Variants in CERKL observed in about 807,000 individuals in gnomAD.
The protein encoded by CERKL is ceramide kinase-like protein.
In CERKL, 61 loss-of-function variants were observed where a neutral mutation model predicts 63.4. The observed-to-expected ratio is 0.96, with a 90% CI of 0.78 to 1.19. The LOEUF is 1.19. Among genes scored for constraint, CERKL ranks in the 50% most tolerant of loss-of-function variants. CERKL has a pLI of 0.00. For missense variants in CERKL, 675 were observed against 655.5 expected, an observed-to-expected ratio of 1.03 and a Z score of -0.33; for synonymous variants, 250 against 230.5, an observed-to-expected ratio of 1.08 and a Z score of -0.77.
intron 2 of CERKL, among the ~76,000 whole-genome samples, chr2:181,602,333 G>A (rs936856354): frequency 9.2e-5 from 14 of 152,122 alleles, no homozygotes; most frequent in African/African-American, 3.1e-4. Context: ...CAAGTTTTAT[G>A]TATTCCTGGT....
intron 1 of CERKL, among the ~76,000 whole-genome samples, chr2:181,626,157 T>G (rs1020262029): frequency 6.6e-6 from 1 of 152,172 alleles, no homozygotes. Context: ...TTAAAGAGTA[T>G]AGTAATACAC....
intron 3 of CERKL, among the ~76,000 whole-genome samples, chr2:181,568,094 T>G (rs66728928): frequency 0.39 from 59,573 of 151,954 alleles, 12,480 homozygotes; most frequent in African/African-American, 0.53. Context: ...CTCCCCTCTT[T>G]GGTGCAAATG....
intron 1 of CERKL, among the ~76,000 whole-genome samples, chr2:181,635,508 T>G (rs1574052670): frequency 6.6e-6 from 1 of 152,264 alleles, no homozygotes; most frequent in East Asian, 1.9e-4. Flanking sequence ...TAATAAGTTT[T>G]TATCTGTATG....
intron 5 of CERKL, among the ~76,000 whole-genome samples, chr2:181,557,952 A>G (rs561660405): frequency 1.6e-4 from 25 of 152,274 alleles, no homozygotes; most frequent in African/African-American, 6.0e-4. Context: ...TCTTCTTTAC[A>G]TGCATTCACT....
At chr2:181,655,119 T>C (rs1688102792) in intron 1 of CERKL, among the ~76,000 whole-genome samples, 2 of 152,228 alleles carry the variant, frequency 1.3e-5, no homozygotes, top group African/African-American at 2.4e-5. Flanking sequence ...CAAATGGTTT[T>C]AGGGCATAAT....
intron 3 of CERKL, among the ~76,000 whole-genome samples, chr2:181,567,993 T>C (rs529462618): frequency 3.9e-5 from 6 of 152,272 alleles, no homozygotes; most frequent in Admixed American, 1.3e-4. Flanking sequence ...TCCTATGAGA[T>C]TGCCAACCTG....
At chr2:181,629,216 A>C (rs1442006903) in intron 1 of CERKL, among the ~76,000 whole-genome samples, 1 of 152,196 alleles carries the variant, frequency 6.6e-6, no homozygotes, top group East Asian at 1.9e-4. Flanking sequence ...CAGAAGCAGA[A>C]TGCCTAACCA....
chr2:181,579,415 TAA>T (rs1382515922), intron 2 of CERKL, among the ~76,000 whole-genome samples: 1 of 151,946 alleles, frequency 6.6e-6, no homozygotes, highest in Non-Finnish European at 1.5e-5. Context: ...TGTAAATGTT[TAA>T]GAGTTATTTT....
At chr2:181,582,538 T>TATATATATATATATATA (rs1559089065) in intron 2 of CERKL, among the ~76,000 whole-genome samples, 1 of 141,722 alleles carries the variant, frequency 7.1e-6, no homozygotes, top group African/African-American at 2.7e-5. Flanking sequence ...TATATATATG[T>TATATATATATATATATA]TTTTTTTTTT....
intron 2 of CERKL, among the ~76,000 whole-genome samples, chr2:181,585,413 T>G (rs184342159): frequency 6.6e-6 from 1 of 152,274 alleles, no homozygotes; most frequent in East Asian, 1.9e-4. Context: ...AAACAATCAT[T>G]TAAGCAAAAA....
intron 2 of CERKL, 72 bp from the exon 3 acceptor site, chr2:181,573,956 ACAC>A: frequency 1.4e-6 from 2 of 1,415,078 alleles, no homozygotes; most frequent in Non-Finnish European, 2.0e-6. Flanking sequence ...TTAAAATGAC[ACAC>A]AAGTCTGTTA....
intron 1 of CERKL, among the ~76,000 whole-genome samples, chr2:181,631,824 CTAA>C (rs1686973057): frequency 1.3e-5 from 2 of 152,260 alleles, no homozygotes; most frequent in South Asian, 2.1e-4. Context: ...CTGAGTTTCT[CTAA>C]AGGTAACCAA....
At chr2:181,586,314 T>C (rs1325777387) in intron 2 of CERKL, among the ~76,000 whole-genome samples, 5 of 152,160 alleles carry the variant, frequency 3.3e-5, no homozygotes, top group African/African-American at 9.7e-5. Context: ...AATAACTCTC[T>C]GGAAAACATT....
chr2:181,580,847 T>A (rs1406806839), intron 2 of CERKL, among the ~76,000 whole-genome samples: 3 of 152,168 alleles, frequency 2.0e-5, no homozygotes, highest in Non-Finnish European at 4.4e-5. Context: ...TTCCTGTTCC[T>A]TAAGGGTATA....
intron 1 of CERKL, among the ~76,000 whole-genome samples, chr2:181,619,502 T>C (rs564921923): frequency 6.6e-6 from 1 of 152,290 alleles, no homozygotes; most frequent in African/African-American, 2.4e-5. Context: ...ATTATCTTCA[T>C]CTCTAATCTC....
chr2:181,638,304 C>G (rs941937532), intron 1 of CERKL, among the ~76,000 whole-genome samples: 2 of 152,098 alleles, frequency 1.3e-5, no homozygotes, highest in Admixed American at 6.6e-5. Context: ...AACCAGGACC[C>G]TCTGATGATG....
intron 2 of CERKL, among the ~76,000 whole-genome samples, chr2:181,594,266 A>C (rs1685104697): frequency 6.6e-6 from 1 of 152,232 alleles, no homozygotes; most frequent in African/African-American, 2.4e-5. Context: ...CTTACAGTAG[A>C]AGTATCCCCT....
chr2:181,548,942 T>G lies in CERKL; in HGVS notation c.896-85A>C, dbSNP rs76427948. The G allele has an allele frequency of 2.3e-3, 2,823 of 1,238,594 alleles. 47 individuals are homozygous for G. In the African/African-American group the frequency reaches 0.035, roughly 15 times the overall value. 76.7% of individuals were successfully genotyped at this position (1,238,594 alleles called of 1,614,324 possible). On this transcript the variant is annotated intron_variant, in intron 6 of 12. Transcript: ENST00000410087. ...AACATAAGAGAGCATATTTATTGGCTTATAGGAGAATATCTAAAGGTACTG... is the reference window on the plus strand; with the variant it reads ...AACATAAGAGAGCATATTTATTGGCGTATAGGAGAATATCTAAAGGTACTG...
rs555642984 is a variant in CERKL at position 181,630,370 on chromosome 2, A to G, written c.239-26291T>C. On this transcript the variant is annotated intron_variant, in intron 1 of 12. Coordinates refer to ENST00000410087, the MANE Select transcript of CERKL (RefSeq NM_201548.5). The stretch of plus-strand genomic sequence containing the variant: ...CAAAATCCACTCTCAAGGTTGGAAA[A>G]GATTTAGGTAAAGGAAAACTATAGC... Among the ~76,000 whole-genome samples the G allele has an allele frequency of 1.2e-4, 19 of 152,284 alleles. No homozygotes were observed. The East Asian group carries it at 3.5e-3, about 28-fold the overall frequency.
Sources: allele counts gnomAD v4.1 joint callset (sites outside exome capture counted in the v4.1 genomes callset), GRCh38; gene constraint gnomAD v4.1.1; transcripts MANE v1.5; gene names NCBI Gene and HGNC (gene_info 2026-07-23, HGNC 2026-07-21).